Variants in ICOS observed in about 807,000 individuals in gnomAD.
ICOS encodes inducible T-cell costimulator.
In ICOS, 15 loss-of-function variants were observed where a neutral mutation model predicts 24.6. The ratio of observed to expected loss-of-function variants is 0.61; its 90% CI spans 0.41 to 0.94. The LOEUF (loss-of-function observed/expected upper bound fraction) is 0.94, where lower values mean the gene tolerates loss of function less well. Among genes scored for constraint, ICOS ranks in the 40% least tolerant of loss-of-function variants. The pLI, the probability that ICOS is intolerant of heterozygous loss-of-function variation, is 0.00. For synonymous variants in ICOS, 89 were observed against 77.5 expected (o/e 1.15, Z -0.78); for missense variants, 200 against 233.0 (o/e 0.86, Z 0.92).
intron 4 of ICOS, 104 bp downstream of exon 4, chr2:203,957,987 C>T (rs1581607632): frequency 2.9e-6 from 2 of 695,956 alleles, no homozygotes; most frequent in South Asian, 1.7e-5. Flanking sequence ...AAAACATCTC[C>T]AAGGCCTAAT....
At chr2:203,950,975 G>A (rs946592860) in intron 1 of ICOS, among the ~76,000 whole-genome samples, 4 of 151,880 alleles carry the variant, frequency 2.6e-5, no homozygotes, top group Admixed American at 6.6e-5. Context: ...CAGCAGAATC[G>A]CTTGAACCTA....
At chr2:203,942,614 A>G (rs542655180) in intron 1 of ICOS, among the ~76,000 whole-genome samples, 61 of 152,382 alleles carry the variant, frequency 4.0e-4, no homozygotes, top group Admixed American at 1.2e-3. Flanking sequence ...TGTGGCACCA[A>G]TGTGAATACT....
rs532156184 is a variant in ICOS at position 203,942,889 on chromosome 2, C to T, written c.58+6017C>T. On this transcript the variant is annotated intron_variant, in intron 1 of 4. Transcript: ENST00000316386. The stretch of plus-strand genomic sequence containing the variant: ...TTGTTTTTGTTGGACTGGGTTAATT[C>T]GAAGACCTTGTCTTCAAGCTCTGAA... Among the ~76,000 whole-genome samples, 17 of 152,232 alleles carry T rather than the reference C, an allele frequency of 1.1e-4. No individual in the cohort carries two copies. The East Asian group carries it at 2.3e-3, about 21-fold the overall frequency.
intron 1 of ICOS, among the ~76,000 whole-genome samples, chr2:203,943,802 G>A (rs182294339): frequency 5.3e-4 from 80 of 152,256 alleles, no homozygotes; most frequent in African/African-American, 1.9e-3. Context: ...GACTCTCCTT[G>A]GGCAGGTCTT....
At chr2:203,950,371 A>G (rs1689948043) in intron 1 of ICOS, among the ~76,000 whole-genome samples, 1 of 152,082 alleles carries the variant, frequency 6.6e-6, no homozygotes, top group African/African-American at 2.4e-5. Flanking sequence ...TAATTAACCC[A>G]CTCCTGTGAT....
chr2:203,951,922 C>T (rs1163045571), intron 1 of ICOS, among the ~76,000 whole-genome samples: 2 of 152,222 alleles, frequency 1.3e-5, no homozygotes, highest in Admixed American at 6.5e-5. Flanking sequence ...CACCTGTTCT[C>T]ATGCCAACAG....
chr2:203,961,363 T>C lies in ICOS; in HGVS notation c.*1764T>C, dbSNP rs1364114217. 1 of 175,676 alleles carries C rather than the reference T, an allele frequency of 5.7e-6. No individual in the cohort carries two copies. Among genetic ancestry groups the C allele is most frequent in the African/African-American group, 2.4e-5 (1 of 41,756 alleles). The allele number at this position is 175,676 out of a possible 1,614,324, so 10.9% of individuals were successfully genotyped here. ...AGGTTTCTGTGTGTGGGGTGGGGTA[T>C]GGGGAGGAGAACCTTCATGGTGGCC... is the stretch of plus-strand genomic sequence containing the variant. On this transcript the variant is annotated 3_prime_UTR_variant, in exon 5 of 5. Coordinates refer to ENST00000316386, the MANE Select transcript of ICOS (RefSeq NM_012092.4).
chr2:203,943,755 G>T (rs1689820184), intron 1 of ICOS, among the ~76,000 whole-genome samples: 1 of 152,228 alleles, frequency 6.6e-6, no homozygotes, highest in African/African-American at 2.4e-5. Flanking sequence ...TAACCAGGGT[G>T]GGTAGGGAAG....
chr2:203,944,024 G>A (rs1049581109), intron 1 of ICOS, among the ~76,000 whole-genome samples: 16 of 152,174 alleles, frequency 1.1e-4, no homozygotes, highest in African/African-American at 3.9e-4. Context: ...CTGTTTCCAG[G>A]CAAAGGGCAA....
chr2:203,959,478 GCA>G, intron 4 of ICOS, 106 bp from the exon 5 acceptor site: 2 of 830,836 alleles, frequency 2.4e-6, no homozygotes, highest in Non-Finnish European at 4.2e-6. Flanking sequence ...GTGTGTGTGT[GCA>G]CGTGTGTGTT....
At chr2:203,945,860 G>A (rs1178071265) in intron 1 of ICOS, among the ~76,000 whole-genome samples, 1 of 152,286 alleles carries the variant, frequency 6.6e-6, no homozygotes. Context: ...AAAGGAATTT[G>A]GAAACAAGGA....
chr2:203,948,141 GT>G (rs1340619649), intron 1 of ICOS, among the ~76,000 whole-genome samples: 1 of 152,162 alleles, frequency 6.6e-6, no homozygotes, highest in African/African-American at 2.4e-5. Context: ...ATATTTGAAG[GT>G]AAAGAAAGTT....
At chr2:203,950,076 T>C (rs564330099) in intron 1 of ICOS, among the ~76,000 whole-genome samples, 1 of 152,266 alleles carries the variant, frequency 6.6e-6, no homozygotes, top group Non-Finnish European at 1.5e-5. Context: ...TAATTTGTCA[T>C]TTGAGCATTG....
At chr2:203,952,458 T>A (rs905093886) in intron 1 of ICOS, among the ~76,000 whole-genome samples, 2 of 152,174 alleles carry the variant, frequency 1.3e-5, no homozygotes. Context: ...TGGAAGGTAA[T>A]CAGTCTCTTT....
In ICOS at chr2:203,955,996, A is replaced by G. The variant is rs372904576; in HGVS notation, c.394+25A>G. ...GGTAAGACATTGCTTTCATCTTCCA[A>G]ACTTAAGAGTATATATATGTTTTGA... On this transcript the variant is annotated intron_variant, in intron 2 of 4. Transcript: ENST00000316386. The G allele has an allele frequency of 2.6e-4, 386 of 1,505,506 alleles. 1 individual carries two copies. Among genetic ancestry groups the G allele is most frequent in the Non-Finnish European group, 4.2e-5 (46 of 1,085,036 alleles). 93.3% of individuals were successfully genotyped at this position (1,505,506 alleles called of 1,614,324 possible). A position where few individuals can be genotyped will look rare whatever the true frequency, so the allele number is the denominator to read the frequency against.
At chr2:203,951,073 A>AC (rs1227052830) in intron 1 of ICOS, among the ~76,000 whole-genome samples, 1 of 152,096 alleles carries the variant, frequency 6.6e-6, no homozygotes, top group Non-Finnish European at 1.5e-5. Context: ...AAAAAAAAAA[A>AC]AAGAGTGTCC....
intron 1 of ICOS, among the ~76,000 whole-genome samples, chr2:203,940,349 C>G (rs938116336): frequency 4.6e-5 from 7 of 152,190 alleles, no homozygotes; most frequent in African/African-American, 1.4e-4. Context: ...TTTCAAGAAT[C>G]CTTTCTTAAC....
chr2:203,943,426 C>T (rs1347651683), intron 1 of ICOS, among the ~76,000 whole-genome samples: 1 of 151,950 alleles, frequency 6.6e-6, no homozygotes, highest in Non-Finnish European at 1.5e-5. Context: ...TGTTGTCTCT[C>T]TTCTGGGTCT....
At chr2:203,949,066 A>C (rs1415902707) in intron 1 of ICOS, among the ~76,000 whole-genome samples, 2 of 152,198 alleles carry the variant, frequency 1.3e-5, no homozygotes, top group Non-Finnish European at 2.9e-5. Context: ...TGCATGTAAG[A>C]AGGTCATTCT....
Sources: allele counts gnomAD v4.1 joint callset (sites outside exome capture counted in the v4.1 genomes callset), GRCh38; gene constraint gnomAD v4.1.1; transcripts MANE v1.5; gene names NCBI Gene and HGNC (gene_info 2026-07-23, HGNC 2026-07-21).